The following TTN variants were observed in gnomAD, a reference collection of about 807,000 sequenced individuals.
The protein encoded by TTN is titin, also known as connectin.
A neutral mutation model predicts 3,223.0 loss-of-function variants in TTN; 1,525 were observed. The observed-to-expected ratio is 0.47, with a 90% CI of 0.45 to 0.49. The LOEUF (loss-of-function observed/expected upper bound fraction) is 0.49, where lower values mean the gene tolerates loss of function less well. Ranked by LOEUF, TTN falls within the 20% of genes least tolerant of loss-of-function variation. The probability of loss-of-function intolerance (pLI) is 0.00; values close to 1 mark genes in which losing one functional copy is unlikely to be tolerated. For missense variants in TTN, 40,786 were observed against 43,424.0 expected (o/e 0.94, Z 5.40); for synonymous variants, 14,094 against 15,161.0 (o/e 0.93, Z 5.17).
Position 178,695,362 on chromosome 2 carries a change from G to T in TTN, c.31256C>A (p.Pro10419Gln). The T allele has an allele frequency of 6.2e-7, 1 of 1,611,702 alleles. No homozygotes were observed. Among genetic ancestry groups the T allele is most frequent in the Non-Finnish European group, 8.5e-7 (1 of 1,178,364 alleles). ...VPAKVPEKKA[P>Q]PPPKVIKKPV... ...TAATTACTTACCTTTAGGAGGTGGTGGTGCTTTCTTTTCAGGTACTTTGGC... is the reference window on the plus strand; with the variant it reads ...TAATTACTTACCTTTAGGAGGTGGTTGTGCTTTCTTTTCAGGTACTTTGGC... Residue 10419 changes from proline (P) to glutamine (Q), a missense_variant, in exon 115 of 363, where the codon CCA becomes CAA. Coordinates refer to ENST00000589042, the MANE Select transcript of TTN (RefSeq NM_001267550.2).
Position 178,715,007 on chromosome 2 carries a change from C to T in TTN, c.26179G>A (p.Val8727Ile), listed in dbSNP as rs544958705. Residue 8727 changes from valine to isoleucine, a missense_variant, in exon 90 of 363, where the codon GTT becomes ATT. Transcript: ENST00000589042. Reference sequence around the variant, plus strand: ...TAACCTTTGAGAGCGATGGAACCAACGCAAGTGTCGCTTCCCACATCATTT... The same window carrying T: ...TAACCTTTGAGAGCGATGGAACCAATGCAAGTGTCGCTTCCCACATCATTT... Reference protein sequence around the residue: ...ATNDVGSDTCVGSIALKAPPR... With the variant: ...ATNDVGSDTCIGSIALKAPPR... The T allele has an allele frequency of 1.1e-5, 17 of 1,611,236 alleles. No homozygotes were observed. The highest frequency in any genetic ancestry group is 4.0e-5 in the African/African-American group (3 of 74,992).
At chr2:178,595,246 C>T (rs371538603) in intron 295 of TTN, among the ~76,000 whole-genome samples, 2 of 150,774 alleles carry the variant, frequency 1.3e-5, no homozygotes, top group South Asian at 2.1e-4. Context: ...ACTCCAGCCT[C>T]GGTAACAGTA....
rs778929180 is a variant in TTN, at chr2:178,632,915, T to C, written c.43213+3A>G. ...AAAAACGTGGCTGACAAGTAGAGCA[T>C]ACCTTTCACTTTCAGATTGGCTGCA... On this transcript the variant is annotated splice_donor_region_variant and intron_variant, in intron 234 of 362. Coordinates refer to ENST00000589042, the MANE Select transcript of TTN (RefSeq NM_001267550.2). 1.9e-6 allele frequency: 3 copies of C among 1,612,826 alleles called. No individual in the cohort carries two copies. The highest frequency in any genetic ancestry group is 2.2e-5 in the East Asian group (1 of 44,802).
In TTN at chr2:178,631,319, T is replaced by C; in HGVS notation, c.43748-19A>G. ...TCTCCCTCTGCAAGTAAAGTATAAGTGAAAAGCTTTTATTAATCACCTTAG... is the reference window on the plus strand; with the variant it reads ...TCTCCCTCTGCAAGTAAAGTATAAGCGAAAAGCTTTTATTAATCACCTTAG... On this transcript the variant is annotated intron_variant, in intron 236 of 362. Transcript: ENST00000589042. 1 of 1,586,808 alleles carries C rather than the reference T, an allele frequency of 6.3e-7. No homozygotes were observed.
At chr2:178,732,027 C>T (rs1422297192) in intron 57 of TTN, 39 bp downstream of exon 57, 1 of 1,588,158 alleles carries the variant, frequency 6.3e-7, no homozygotes, top group East Asian at 2.2e-5. Context: ...TGCCATGGGC[C>T]ATAACTTTGG....
Position 178,635,987 on chromosome 2 carries a change from A to T in TTN, c.41584T>A (p.Cys13862Ser). The change falls in exon 226 of 363, where the codon TGT becomes AGT. Residue 13862 changes from cysteine to serine, a missense_variant. Cys to Ser is a moderately radical substitution (Grantham distance 112). Coordinates refer to ENST00000589042, the MANE Select transcript of TTN (RefSeq NM_001267550.2). ...CCTACTACTTTTACGCAAGATGAAC[A>T]CTCCAGGTTGTTGGCGTTTTCCACA... ...VTVENANNLE[C>S]SSCVKVVEVI... 7 of 1,603,116 alleles carry T rather than the reference A, an allele frequency of 4.4e-6. No homozygotes were observed. Among genetic ancestry groups the T allele is most frequent in the Non-Finnish European group, 6.0e-6 (7 of 1,172,890 alleles).
Position 178,624,497 on chromosome 2 carries a change from TC to T in TTN, c.44782del (p.Asp14928IlefsTer8). The T allele has an allele frequency of 6.2e-7, 1 of 1,612,634 alleles. No individual in the cohort carries two copies. On this transcript the variant is annotated frameshift_variant, in exon 242 of 363. Transcript: ENST00000589042. LOFTEE classifies it high-confidence loss of function. ...DIKTYTCDAKDFKTSCNLNVV... is the reference protein window; with the variant it reads ...DIKTYTCDAKXFKTSCNLNVV... ...ATTCAGGTTACAGGAAGTCTTAAAA[TC>T]CTTAGCATCACAAGTGTATGTTTTA...
chr2:178,575,461 T>G lies in TTN; in HGVS notation c.70671A>C (p.Lys23557Asn). ...CAGTGATCTTGCTGCCACCATCGTG[T>G]TTGGGCTTAGGCCATGCCAGGCTGA... ...STVSLAWPKP[K>N]HDGGSKITGY... Residue 23557 changes from lysine (K) to asparagine (N), a missense_variant, in exon 326 of 363, where the codon AAA (lysine) becomes AAC (asparagine). Physicochemically the swap from Lys to Asn is moderately conservative, Grantham distance 94. Coordinates refer to ENST00000589042, the MANE Select transcript of TTN (RefSeq NM_001267550.2). The surrounding 1 kb of genome is among the most constrained non-coding windows in gnomAD (Gnocchi z 4.0). 2 of 1,613,570 alleles carry G rather than the reference T, an allele frequency of 1.2e-6. No homozygotes were observed. The highest frequency in any genetic ancestry group is 1.7e-6 in the Non-Finnish European group (2 of 1,179,636).
At position 178,733,397 on chromosome 2, in the gene TTN, C is replaced by G. The variant is rs563456537; in HGVS notation, c.15896G>C (p.Arg5299Thr). The change falls in exon 54 of 363, where the codon AGA (arginine) becomes ACA (threonine). Residue 5299 changes from arginine to threonine, a missense_variant. Coordinates refer to ENST00000589042, the MANE Select transcript of TTN (RefSeq NM_001267550.2). ...GTATTTTTTACTGGCGACCAAGGGTCTCCCATCTTTGTACCATTTGGGCTT... is the reference window on the plus strand; with the variant it reads ...GTATTTTTTACTGGCGACCAAGGGTGTCCCATCTTTGTACCATTTGGGCTT... Reference protein sequence around the residue: ...ELKPKWYKDGRPLVASKKYRI... With the variant: ...ELKPKWYKDGTPLVASKKYRI... 96 of 1,613,810 alleles carry G rather than the reference C, an allele frequency of 5.9e-5. 1 individual carries two copies. The South Asian group carries it at 1.0e-3, about 17-fold the overall frequency.
At chr2:178,616,704 AG>A in intron 256 of TTN, 24 bp downstream of exon 256, 1 of 1,612,110 alleles carries the variant, frequency 6.2e-7, no homozygotes, top group Non-Finnish European at 8.5e-7. Flanking sequence ...AAATCACCTT[AG>A]ATGATAAATG....
At chr2:178,641,112 A>AGACT in intron 220 of TTN, 129 bp downstream of exon 220, 1 of 622,790 alleles carries the variant, frequency 1.6e-6, no homozygotes, top group South Asian at 2.2e-5. Context: ...TGGAAAACAG[A>AGACT]GACTACATCA....
At chr2:178,691,559 A>G (rs1024230974) in intron 121 of TTN, among the ~76,000 whole-genome samples, 1 of 152,200 alleles carries the variant, frequency 6.6e-6, no homozygotes, top group Non-Finnish European at 1.5e-5. Context: ...GAAGCGTGGT[A>G]CTATGTACGT....
At chr2:178,529,893 A>T (rs1000906106) in intron 359 of TTN, 67 bp downstream of exon 359, 43 of 1,473,590 alleles carry the variant, frequency 2.9e-5, no homozygotes, top group Non-Finnish European at 1.9e-5. Flanking sequence ...ATAAGGGGGG[A>T]TGTTTGAAAA....
intron 47 of TTN, chr2:178,744,672 A>G: frequency 1.0e-6 from 1 of 967,504 alleles, no homozygotes; most frequent in Non-Finnish European, 1.2e-6. Flanking sequence ...TATTGTCTCA[A>G]TTCTAAAAAT....
chr2:178,681,179 G>T lies in TTN; in HGVS notation c.33248-8C>A. ...TCTTTGGTTCTTCAGGCACTTTAAA[G>T]ATATTAATTATTAAAGAGCATTAAA... On this transcript the variant is annotated splice_region_variant and splice_polypyrimidine_tract_variant and intron_variant, in intron 137 of 362. Transcript: ENST00000589042. The T allele has an allele frequency of 1.3e-6, 2 of 1,590,750 alleles. No homozygotes were observed. Among genetic ancestry groups the T allele is most frequent in the East Asian group, 2.2e-5 (1 of 44,684 alleles).
In TTN at chr2:178,546,703, A is replaced by G. The variant is rs1575452360; in HGVS notation, c.94725T>C (p.Ser31575=). Residue 31575 remains serine, a synonymous_variant, in exon 341 of 363, where the codon AGT becomes AGC. Coordinates refer to ENST00000589042, the MANE Select transcript of TTN (RefSeq NM_001267550.2). Reference sequence around the variant, plus strand: ...CACGGAACTCATAAGTGTCTCCTTCACTGAGAGCAGTCACGGTGAAGAAAT... The same window carrying G: ...CACGGAACTCATAAGTGTCTCCTTCGCTGAGAGCAGTCACGGTGAAGAAAT... ...SDNFFTVTAL[S]EGDTYEFRVL... 3.1e-6 allele frequency: 5 copies of G among 1,613,628 alleles called. No homozygotes were observed. In the South Asian group the frequency reaches 5.5e-5, roughly 18 times the overall value.
In TTN at chr2:178,751,719, G is replaced by A. The variant is rs547006882; in HGVS notation, c.11311+1405C>T. ...CTTTTAATCTCTAAGCTGGAAGAGT[G>A]ATGGTGTAAATCACTCTCAGCTTTT... On this transcript the variant is annotated intron_variant, in intron 47 of 362. Transcript: ENST00000589042. 13 of 1,613,310 alleles carry A rather than the reference G, an allele frequency of 8.1e-6. No homozygotes were observed. In the East Asian group the frequency reaches 1.8e-4, roughly 22 times the overall value.
At chr2:178,638,123 A>C (rs980288658) in intron 223 of TTN, among the ~76,000 whole-genome samples, 8 of 152,132 alleles carry the variant, frequency 5.3e-5, no homozygotes, top group African/African-American at 1.7e-4. Context: ...CCTTTTTCTG[A>C]ATAATAAAAG....
At position 178,560,761 on chromosome 2, in the gene TTN, T is replaced by A; in HGVS notation, c.85371A>T (p.Pro28457=). 1.2e-6 allele frequency: 2 copies of A among 1,613,776 alleles called. No individual in the cohort carries two copies. The highest frequency in any genetic ancestry group is 1.7e-6 in the Non-Finnish European group (2 of 1,179,798). The change falls in exon 326 of 363, where the codon CCA becomes CCT. Residue 28457 remains proline, a synonymous_variant. Transcript: ENST00000589042. ...CAGCAGTGAGGCCATTTATTTCAAG[T>A]GGTCCTGCTGGTGGACCAGGCTTAT... The part of the protein sequence containing the change: ...VLDKPGPPAG[P]LEINGLTAEK...
Sources: allele counts gnomAD v4.1 joint callset (sites outside exome capture counted in the v4.1 genomes callset), GRCh38; gene constraint gnomAD v4.1.1; non-coding constraint Gnocchi (gnomAD v3.1); transcripts MANE v1.5; gene names NCBI Gene and HGNC (gene_info 2026-07-23, HGNC 2026-07-21).